The following KIF13A variants were observed in gnomAD, a reference collection of about 807,000 sequenced individuals.
KIF13A encodes the protein kinesin family member 13A, also known as kinesin-like protein KIF13A.
KIF13A carries 79 observed loss-of-function variants against 212.2 expected under a neutral mutation model. That is an observed-to-expected ratio of 0.37 (90% CI 0.31 to 0.45). The LOEUF (loss-of-function observed/expected upper bound fraction) is 0.45, where lower values mean the gene tolerates loss of function less well. Ranked by LOEUF, KIF13A falls within the 20% of genes least tolerant of loss-of-function variation. The probability of loss-of-function intolerance (pLI) is 1.00; values close to 1 mark genes in which losing one functional copy is unlikely to be tolerated. For synonymous variants in KIF13A, 789 were observed against 808.6 expected, an observed-to-expected ratio of 0.98 and a Z score of 0.41; for missense variants, 1,901 against 2,209.0, an observed-to-expected ratio of 0.86 and a Z score of 2.79.
intron 12 of KIF13A, among the ~76,000 whole-genome samples, chr6:17,833,185 C>T (rs1354723801): frequency 2.0e-5 from 3 of 151,926 alleles, no homozygotes; most frequent in Non-Finnish European, 4.4e-5. Flanking sequence ...AAAGACCTGA[C>T]GTCAATGTCT....
chr6:17,920,671 C>T (rs780230715), intron 2 of KIF13A, among the ~76,000 whole-genome samples: 1 of 151,960 alleles, frequency 6.6e-6, no homozygotes, highest in African/African-American at 2.4e-5. Flanking sequence ...GTCCGGAGTT[C>T]GAGACCAGCC....
chr6:17,845,178 T>A (rs1766897080), intron 9 of KIF13A, among the ~76,000 whole-genome samples: 1 of 152,132 alleles, frequency 6.6e-6, no homozygotes, highest in African/African-American at 2.4e-5. Flanking sequence ...TCGTGAGACT[T>A]ATTCACGACC....
In KIF13A at chr6:17,855,655, A is replaced by C. The variant is rs1157795956; in HGVS notation, c.314-38T>G. On this transcript the variant is annotated intron_variant, in intron 5 of 38. Transcript: ENST00000259711. This position sits in a 1 kb window ranked among gnomAD's most constrained non-coding sequence, Gnocchi z 4.1. ...AAGGAAAAAGAAGAACAGGTAGAGGAGGGAGCAAAATGCAATGCTTCAACC... is the reference window on the plus strand; with the variant it reads ...AAGGAAAAAGAAGAACAGGTAGAGGCGGGAGCAAAATGCAATGCTTCAACC... The C allele has an allele frequency of 1.3e-6, 2 of 1,517,970 alleles. No individual in the cohort carries two copies. The highest frequency in any genetic ancestry group is 1.8e-6 in the Non-Finnish European group (2 of 1,120,154). 94.0% of individuals were successfully genotyped at this position (1,517,970 alleles called of 1,614,324 possible). A position where few individuals can be genotyped will look rare whatever the true frequency, so the allele number is the denominator to read the frequency against.
intron 2 of KIF13A, among the ~76,000 whole-genome samples, chr6:17,975,542 C>G (rs774553077): frequency 6.6e-6 from 1 of 151,512 alleles, no homozygotes; most frequent in South Asian, 2.1e-4. Context: ...TTGCAAAGAC[C>G]AAAAGAAAAA....
chr6:17,826,871 A>G lies in KIF13A; in HGVS notation c.1533-747T>C, dbSNP rs187466490. On this transcript the variant is annotated intron_variant, in intron 14 of 38. Transcript: ENST00000259711. The surrounding 1 kb of genome is among the most constrained non-coding windows in gnomAD (Gnocchi z 4.7). ...GAGAGACATAGTGAGATATTTATAG[A>G]TACAATGTTATAAAATCTGGAATCT... 2.6e-5 allele frequency among the ~76,000 whole-genome samples: 4 copies of G among 152,174 alleles called. 1 individual carries two copies. The highest frequency in any genetic ancestry group is 2.0e-4 in the Admixed American group (3 of 15,272).
chr6:17,904,985 A>C (rs1773370170), intron 2 of KIF13A, among the ~76,000 whole-genome samples: 1 of 152,208 alleles, frequency 6.6e-6, no homozygotes, highest in African/African-American at 2.4e-5. Context: ...CAACTTGGAG[A>C]ACTAAACAGG....
intron 3 of KIF13A, among the ~76,000 whole-genome samples, chr6:17,891,078 CT>C (rs772119663): frequency 2.0e-5 from 3 of 152,214 alleles, no homozygotes; most frequent in East Asian, 1.9e-4. Context: ...GACAAAGCCT[CT>C]TTTTTCCCCC....
chr6:17,760,942 C>T, downstream of KIF13A: 1 of 1,547,812 alleles, frequency 6.5e-7, no homozygotes, highest in East Asian at 2.3e-5. Context: ...CCCACAGCAC[C>T]TACTCTCAGC....
At chr6:17,920,194 T>A (rs1774930212) in intron 2 of KIF13A, among the ~76,000 whole-genome samples, 1 of 152,006 alleles carries the variant, frequency 6.6e-6, no homozygotes, top group Non-Finnish European at 1.5e-5. Flanking sequence ...AATGAAAAGG[T>A]GCAACTGGGT....
In KIF13A at chr6:17,781,788, G is replaced by A. The variant is rs77591749; in HGVS notation, c.3545-487C>T. ...ACTACAGGTACACACCACTATGCCT[G>A]GCTAATTTGTAAAATTTTTTGTAGG... On this transcript the variant is annotated intron_variant, in intron 29 of 38. Transcript: ENST00000259711. Among the ~76,000 whole-genome samples the A allele has an allele frequency of 6.2e-3, 949 of 151,942 alleles. 7 individuals carry two copies. Among genetic ancestry groups the A allele is most frequent in the African/African-American group, 0.022 (911 of 41,442 alleles).
Position 17,796,718 on chromosome 6 carries a change from T to C in KIF13A, c.2893A>G (p.Ile965Val). ...GCATGAAGAGAATCGACCTCCCAGA[T>C]GGAGCTGCCATTTCCAGCACACCGG... is the stretch of plus-strand genomic sequence containing the variant. Reference protein sequence around the residue: ...GHRCAGNGSSIWEVDSLHAKT... With the variant: ...GHRCAGNGSSVWEVDSLHAKT... The change falls in exon 23 of 39, where the codon ATC becomes GTC. Residue 965 changes from isoleucine (I) to valine (V), a missense_variant. By Grantham distance (29) the Ile-to-Val change is conservative (BLOSUM62 3). Around this residue, in one of 5 missense-constraint regions of KIF13A, gnomAD observed 534 missense variants for 536.9 expected, o/e 0.99. Coordinates refer to ENST00000259711, the MANE Select transcript of KIF13A (RefSeq NM_022113.6). 1 of 1,589,330 alleles carries C rather than the reference T, an allele frequency of 6.3e-7. No individual in the cohort carries two copies. The highest frequency in any genetic ancestry group is 8.6e-7 in the Non-Finnish European group (1 of 1,166,872).
chr6:17,917,232 ATTCTT>A (rs1448217661), intron 2 of KIF13A, among the ~76,000 whole-genome samples: 3 of 121,864 alleles, frequency 2.5e-5, no homozygotes, highest in Non-Finnish European at 5.0e-5. Context: ...ATTTTACACG[ATTCTT>A]TTTTTTTTTT....
chr6:17,898,904 T>A lies in KIF13A; in HGVS notation c.147-724A>T, dbSNP rs1034684486. 1.3e-5 allele frequency among the ~76,000 whole-genome samples: 2 copies of A among 152,234 alleles called. No individual in the cohort carries two copies. The highest frequency in any genetic ancestry group is 4.8e-5 in the African/African-American group (2 of 41,452). On this transcript the variant is annotated intron_variant, in intron 2 of 38. Coordinates refer to ENST00000259711, the MANE Select transcript of KIF13A (RefSeq NM_022113.6). This position sits in a 1 kb window ranked among gnomAD's most constrained non-coding sequence, Gnocchi z 5.2. Reference sequence around the variant, plus strand: ...AGGATGGAGTGCAGTGATGTGATCATGGCTCAGTGCAACCTTGAACTCCTG... The same window carrying A: ...AGGATGGAGTGCAGTGATGTGATCAAGGCTCAGTGCAACCTTGAACTCCTG...
At position 17,831,126 on chromosome 6, in the gene KIF13A, T is replaced by C. The variant is rs746886160; in HGVS notation, c.1376A>G (p.Asn459Ser). 2.7e-5 allele frequency: 44 copies of C among 1,613,278 alleles called. No homozygotes were observed. Among genetic ancestry groups the C allele is most frequent in the Admixed American group, 1.7e-4 (10 of 59,838 alleles). Residue 459 changes from asparagine to serine, a missense_variant, in exon 13 of 39, where the codon AAC (asparagine) becomes AGC (serine). By Grantham distance (46) the Asn-to-Ser change is conservative. Transcript: ENST00000259711. ...CTTTAAATAATAAACCAGAAGTTCG[T>C]TAAGAGCAGGGTCTGCATTCAGATT... ...LVNLNADPAL[N>S]ELLVYYLKDH... is the part of the protein sequence containing the mutation.
intron 12 of KIF13A, among the ~76,000 whole-genome samples, chr6:17,832,188 G>A (rs888917062): frequency 3.9e-5 from 6 of 152,118 alleles, no homozygotes; most frequent in African/African-American, 1.4e-4. Context: ...AATGATCAAT[G>A]AGATTAAAAA....
chr6:17,970,693 C>T (rs1779741780), intron 2 of KIF13A, among the ~76,000 whole-genome samples: 1 of 152,192 alleles, frequency 6.6e-6, no homozygotes, highest in Non-Finnish European at 1.5e-5. Flanking sequence ...CATGCACCTC[C>T]TTTTCCCTAA....
At chr6:17,952,928 CAAA>C (rs34028292) in intron 2 of KIF13A, among the ~76,000 whole-genome samples, 10 of 141,248 alleles carry the variant, frequency 7.1e-5, no homozygotes, top group Non-Finnish European at 7.7e-5. Flanking sequence ...AGACTGTCTC[CAAA>C]AAAAAAAAAA....
rs1176263549 is a variant in KIF13A at position 17,866,857 on chromosome 6, ATATATATATATATATATATT to A, written c.220+6500_220+6519del. Among the ~76,000 whole-genome samples the A allele has an allele frequency of 2.0e-4, 25 of 124,078 alleles. 1 individual carries two copies. The highest frequency in any genetic ancestry group is 7.0e-4 in the African/African-American group (24 of 34,164). The allele number at this position is 124,078 out of a possible 152,430, so 81.4% of individuals were successfully genotyped here. A position where few individuals can be genotyped will look rare whatever the true frequency, so the allele number is the denominator to read the frequency against. On this transcript the variant is annotated intron_variant, in intron 4 of 38. Transcript: ENST00000259711. ...TATATATATATATATATATATATAT[ATATATATATATATATATATT>A]TACACACACACATATATATACACTT... is the stretch of plus-strand genomic sequence containing the variant.
intron 3 of KIF13A, among the ~76,000 whole-genome samples, chr6:17,894,669 G>C (rs1019084047): frequency 1.3e-5 from 2 of 151,992 alleles, no homozygotes; most frequent in Non-Finnish European, 2.9e-5. Flanking sequence ...AACCAATATT[G>C]ATACATTATT....
Sources: allele counts gnomAD v4.1 joint callset (sites outside exome capture counted in the v4.1 genomes callset), GRCh38; gene constraint gnomAD v4.1.1; regional missense constraint gnomAD v4.1.1; non-coding constraint Gnocchi (gnomAD v3.1); transcripts MANE v1.5; gene names NCBI Gene and HGNC (gene_info 2026-07-23, HGNC 2026-07-21).